The following ZEB1 variants were observed in gnomAD, a reference collection of about 807,000 sequenced individuals.
ZEB1 encodes zinc finger E-box-binding homeobox 1.
Under a neutral mutation model 84.9 loss-of-function variants are expected in ZEB1, and 21 were observed. The observed-to-expected ratio is 0.25, with a 90% confidence interval of 0.18 to 0.36. The LOEUF (loss-of-function observed/expected upper bound fraction) is 0.36, where lower values mean the gene tolerates loss of function less well. Ranked by LOEUF, ZEB1 falls within the 10% of genes least tolerant of loss-of-function variation. ZEB1 has a pLI of 1.00. For missense variants in ZEB1, 1,104 were observed against 1,330.2 expected (o/e 0.83, Z 2.65); for synonymous variants, 420 against 471.1 (o/e 0.89, Z 1.41).
At chr10:31,417,040 A>G (rs1035021392) in intron 1 of ZEB1, among the ~76,000 whole-genome samples, 3 of 152,158 alleles carry the variant, frequency 2.0e-5, no homozygotes, top group Non-Finnish European at 4.4e-5. Context: ...AAATACATTT[A>G]GTCATGAACT....
At chr10:31,420,744 T>C (rs746210366) in intron 1 of ZEB1, among the ~76,000 whole-genome samples, 11 of 152,076 alleles carry the variant, frequency 7.2e-5, no homozygotes, top group South Asian at 2.1e-4. Flanking sequence ...CCATGGATCA[T>C]TGGAGGTCAG....
chr10:31,376,029 A>G (rs2046563974), intron 1 of ZEB1, among the ~76,000 whole-genome samples: 1 of 151,742 alleles, frequency 6.6e-6, no homozygotes, highest in Non-Finnish European at 1.5e-5. Context: ...TTTATGTGCA[A>G]TAGTTATTAC....
intron 1 of ZEB1, among the ~76,000 whole-genome samples, chr10:31,435,123 A>G (rs1010368444): frequency 2.0e-5 from 3 of 152,212 alleles, no homozygotes; most frequent in Admixed American, 6.5e-5. Flanking sequence ...TGGAAGCTGG[A>G]GTTTGAAGAA....
chr10:31,356,249 A>G (rs969177767), intron 1 of ZEB1, among the ~76,000 whole-genome samples: 1 of 152,096 alleles, frequency 6.6e-6, no homozygotes, highest in Non-Finnish European at 1.5e-5. Context: ...GTTTGACTTC[A>G]TTAACTAATA....
chr10:31,385,760 T>G lies in ZEB1; in HGVS notation c.58+66468T>G, dbSNP rs190559805. Among the ~76,000 whole-genome samples, 848 of 152,204 alleles carry G rather than the reference T, an allele frequency of 5.6e-3. 12 individuals are homozygous for G. The highest frequency in any genetic ancestry group is 0.02 in the African/African-American group (813 of 41,542). ...CCAAGCTGGTCTCGAACTCCTGACC[T>G]CGTAATCCGCCAGCCTCAGCCTCTC... On this transcript the variant is annotated intron_variant, in intron 1 of 8. Transcript: ENST00000424869.
intron 2 of ZEB1, among the ~76,000 whole-genome samples, chr10:31,490,403 T>G (rs1418274084): frequency 6.6e-6 from 1 of 151,734 alleles, no homozygotes; most frequent in Non-Finnish European, 1.5e-5. Flanking sequence ...TTATTCAAAG[T>G]GGATAGTTTC....
At chr10:31,333,499 G>A (rs2037260618) in intron 1 of ZEB1, among the ~76,000 whole-genome samples, 1 of 152,022 alleles carries the variant, frequency 6.6e-6, no homozygotes, top group African/African-American at 2.4e-5. Context: ...GATTAGCTAC[G>A]GGTAGGCTTG....
intron 6 of ZEB1, among the ~76,000 whole-genome samples, chr10:31,519,770 T>C (rs2071910718): frequency 6.6e-6 from 1 of 152,078 alleles, no homozygotes; most frequent in Non-Finnish European, 1.5e-5. Context: ...ATATAGAAAA[T>C]TATATAGGTC....
rs375002581 is a variant in ZEB1, at chr10:31,398,112, A to G, written c.59-62925A>G. Among the ~76,000 whole-genome samples, 12 of 152,310 alleles carry G rather than the reference A, an allele frequency of 7.9e-5. No homozygotes were observed. The East Asian group carries it at 1.5e-3, about 20-fold the overall frequency. On this transcript the variant is annotated intron_variant, in intron 1 of 8. Transcript: ENST00000424869. Reference sequence around the variant, plus strand: ...AAAGTAGATTTTGTTTTTCATGGATATATTACACAGCAACCACAATTCAGA... The same window carrying G: ...AAAGTAGATTTTGTTTTTCATGGATGTATTACACAGCAACCACAATTCAGA...
At chr10:31,417,212 A>C (rs1447231158) in intron 1 of ZEB1, among the ~76,000 whole-genome samples, 1 of 152,140 alleles carries the variant, frequency 6.6e-6, no homozygotes, top group African/African-American at 2.4e-5. Context: ...AATCTCACTT[A>C]TTCTTGTTCT....
At chr10:31,473,024 A>T (rs1365872841) in intron 2 of ZEB1, among the ~76,000 whole-genome samples, 1 of 142,000 alleles carries the variant, frequency 7.0e-6, no homozygotes, top group East Asian at 2.0e-4. Flanking sequence ...CATGCTAAAA[A>T]CTCTCAATAA....
chr10:31,482,293 A>G (rs2065144458), intron 2 of ZEB1, among the ~76,000 whole-genome samples: 1 of 152,082 alleles, frequency 6.6e-6, no homozygotes, highest in South Asian at 2.1e-4. Context: ...GTTGAGGGGC[A>G]TATGACAAAA....
At chr10:31,427,120 G>GA (rs1282810818) in intron 1 of ZEB1, among the ~76,000 whole-genome samples, 1 of 151,736 alleles carries the variant, frequency 6.6e-6, no homozygotes, top group Non-Finnish European at 1.5e-5. Flanking sequence ...GTGTGTGCAA[G>GA]CTTGTCGTAA....
chr10:31,356,584 T>G (rs919513506), intron 1 of ZEB1, among the ~76,000 whole-genome samples: 3 of 152,176 alleles, frequency 2.0e-5, no homozygotes, highest in African/African-American at 7.2e-5. Flanking sequence ...CTGGTTAAAT[T>G]AAAAGATGCC....
At chr10:31,357,458 C>T (rs1170138056) in intron 1 of ZEB1, among the ~76,000 whole-genome samples, 1 of 152,112 alleles carries the variant, frequency 6.6e-6, no homozygotes, top group African/African-American at 2.4e-5. Context: ...CTGAGTACAT[C>T]ATGGGCCCCT....
intron 8 of ZEB1, among the ~76,000 whole-genome samples, chr10:31,524,425 T>C: frequency 6.6e-6 from 1 of 152,154 alleles, no homozygotes; most frequent in Middle Eastern, 3.4e-3. Flanking sequence ...CCCAGGCTGG[T>C]CTTGAACTAA....
At chr10:31,460,015 CT>C (rs1193610767) in intron 1 of ZEB1, among the ~76,000 whole-genome samples, 1 of 151,890 alleles carries the variant, frequency 6.6e-6, no homozygotes, top group Non-Finnish European at 1.5e-5. Context: ...AGTGAAGCTT[CT>C]TTTTCTCCCT....
At chr10:31,466,213 C>T (rs2062401583) in intron 2 of ZEB1, among the ~76,000 whole-genome samples, 1 of 152,112 alleles carries the variant, frequency 6.6e-6, no homozygotes, top group Admixed American at 6.6e-5. Context: ...GAGAAATCAT[C>T]TAGACAGAAA....
chr10:31,425,518 A>G lies in ZEB1; in HGVS notation c.59-35519A>G, dbSNP rs574531507. On this transcript the variant is annotated intron_variant, in intron 1 of 8. Transcript: ENST00000424869. ...GGTTAGAGAAATAAAAGTAAAAATT[A>G]CTGTGTATATATTCTACAATAAACC... Among the ~76,000 whole-genome samples the G allele has an allele frequency of 4.6e-5, 7 of 152,230 alleles. No individual in the cohort carries two copies. In the East Asian group the frequency reaches 1.2e-3, roughly 25 times the overall value.
Sources: gnomAD v4.1 joint callset for allele counts (sites outside exome capture counted in the v4.1 genomes callset) on GRCh38, gnomAD v4.1.1 for gene constraint, MANE v1.5 for transcripts, NCBI Gene and HGNC (gene_info 2026-07-23, HGNC 2026-07-21) for gene names.